NLRP13: variants seen among roughly 807,000 people sequenced by gnomAD.
NLRP13 encodes NACHT, LRR and PYD domains-containing protein 13.
In NLRP13, 82 loss-of-function variants were observed where a neutral mutation model predicts 94.4. The observed-to-expected ratio is 0.87, with a 90% confidence interval of 0.73 to 1.04. The LOEUF is 1.04. Among genes scored for constraint, NLRP13 ranks in the 50% least tolerant of loss-of-function variants. The pLI is 0.00. For synonymous variants in NLRP13, 553 were observed against 464.7 expected (o/e 1.19, Z -2.45); for missense variants, 1,426 against 1,230.8 (o/e 1.16, Z -2.37).
chr19:55,907,745 G>A lies in NLRP13; in HGVS notation c.2447+47C>T, dbSNP rs369934099. ...TCCCAGTGGATCGTGGAAGCTACTG[G>A]TGGTCTTGCAACCCCCCTTGACAGA... On this transcript the variant is annotated intron_variant, in intron 7 of 10. Coordinates refer to ENST00000342929, the MANE Select transcript of NLRP13 (RefSeq NM_176810.2). 83 of 1,592,098 alleles carry A rather than the reference G, an allele frequency of 5.2e-5. 1 individual carries two copies. In the African/African-American group the frequency reaches 9.3e-4, roughly 18 times the overall value.
chr19:55,924,220 T>C (rs548159179), intron 3 of NLRP13, among the ~76,000 whole-genome samples: 2 of 152,280 alleles, frequency 1.3e-5, no homozygotes, highest in South Asian at 4.1e-4. Flanking sequence ...CCTCCTGGGT[T>C]CAAGAGATTC....
At chr19:55,926,508 G>C (rs1986969315) in intron 1 of NLRP13, among the ~76,000 whole-genome samples, 1 of 152,148 alleles carries the variant, frequency 6.6e-6, no homozygotes, top group Non-Finnish European at 1.5e-5. Flanking sequence ...TTAAATGCCA[G>C]AGGAGCATGT....
intron 8 of NLRP13, among the ~76,000 whole-genome samples, chr19:55,902,697 GATTATT>G (rs1455390078): frequency 6.6e-6 from 1 of 151,978 alleles, no homozygotes; most frequent in Non-Finnish European, 1.5e-5. Context: ...GGTTATAGAA[GATTATT>G]ATATCACAAA....
chr19:55,902,765 A>G (rs1242282808), intron 8 of NLRP13, among the ~76,000 whole-genome samples: 1 of 151,962 alleles, frequency 6.6e-6, no homozygotes, highest in African/African-American at 2.4e-5. Context: ...GTGTTAACAT[A>G]TAAGTTTTAT....
chr19:55,899,996 T>C (rs1388821021), intron 9 of NLRP13, among the ~76,000 whole-genome samples: 27 of 150,684 alleles, frequency 1.8e-4, no homozygotes, highest in Non-Finnish European at 7.4e-5. Context: ...ATGGCAAACA[T>C]ACTTAATAGA....
intron 1 of NLRP13, among the ~76,000 whole-genome samples, chr19:55,927,447 C>CT (rs1318191404): frequency 8.3e-6 from 1 of 120,006 alleles, no homozygotes; most frequent in Non-Finnish European, 1.6e-5. Flanking sequence ...GAAATAAAGT[C>CT]TAATTCCTTA....
At chr19:55,929,430 G>A (rs549874972) in intron 1 of NLRP13, among the ~76,000 whole-genome samples, 1 of 152,310 alleles carries the variant, frequency 6.6e-6, no homozygotes, top group East Asian at 1.9e-4. Flanking sequence ...ATACACCATG[G>A]AATACTATGC....
At chr19:55,927,857 C>G (rs1987007343) in intron 1 of NLRP13, among the ~76,000 whole-genome samples, 1 of 152,178 alleles carries the variant, frequency 6.6e-6, no homozygotes, top group African/African-American at 2.4e-5. Flanking sequence ...GCCTTTGAAT[C>G]CAGACATCCT....
rs200626553 is a variant in NLRP13 at position 55,912,823 on chromosome 19, A to G, written c.994T>C (p.Cys332Arg). 5.0e-6 allele frequency: 8 copies of G among 1,614,050 alleles called. No homozygotes were observed. The highest frequency in any genetic ancestry group is 6.8e-6 in the Non-Finnish European group (8 of 1,180,040). The change falls in exon 5 of 11, where the codon TGT (cysteine) becomes CGT (arginine). Residue 332 changes from cysteine to arginine, a missense_variant. Physicochemically the swap from Cys to Arg is radical, Grantham distance 180 (BLOSUM62 -3). Transcript: ENST00000342929. ...RSESLDDGSP[C>R]TDWYQELPVT... is the part of the protein sequence containing the mutation. ...GGGAGCTCCTGGTACCAGTCTGTAC[A>G]TGGCGAGCCATCATCCAAGCTCTCA...
intron 4 of NLRP13, among the ~76,000 whole-genome samples, chr19:55,915,451 A>G (rs989021673): frequency 1.3e-5 from 2 of 152,054 alleles, no homozygotes; most frequent in African/African-American, 4.8e-5. Context: ...TACAAAGATT[A>G]GCCAGGCATG....
intron 5 of NLRP13, among the ~76,000 whole-genome samples, chr19:55,911,234 ATTTTG>A (rs932380617): frequency 4.6e-5 from 7 of 152,078 alleles, no homozygotes; most frequent in Non-Finnish European, 8.8e-5. Flanking sequence ...GTTATTTTTT[ATTTTG>A]TTTTGTTTTT....
At chr19:55,917,861 C>T (rs929776931) in intron 4 of NLRP13, among the ~76,000 whole-genome samples, 2 of 151,970 alleles carry the variant, frequency 1.3e-5, no homozygotes, top group African/African-American at 4.8e-5. Flanking sequence ...ATCATCAAGA[C>T]AGAAAATCAA....
rs563888996 is a variant in NLRP13, at chr19:55,900,428, G to A, written c.2790-1491C>T. Among the ~76,000 whole-genome samples the A allele has an allele frequency of 7.8e-4, 119 of 152,268 alleles. 1 individual carries two copies. The highest frequency in any genetic ancestry group is 2.6e-3 in the African/African-American group (107 of 41,540). On this transcript the variant is annotated intron_variant, in intron 9 of 10. Transcript: ENST00000342929. ...GGATGGGCCTCAAAATAATCTTAGA[G>A]GGAGAAATTAGTTCAACCATTGTGG... is the stretch of plus-strand genomic sequence containing the variant.
At chr19:55,913,729 G>C (rs924330241) in intron 4 of NLRP13, among the ~76,000 whole-genome samples, 1 of 151,924 alleles carries the variant, frequency 6.6e-6, no homozygotes, top group Non-Finnish European at 1.5e-5. Flanking sequence ...GAATGGAGAA[G>C]AATCATCAGA....
chr19:55,910,949 C>T (rs914142746), intron 5 of NLRP13, among the ~76,000 whole-genome samples: 2 of 152,146 alleles, frequency 1.3e-5, no homozygotes, highest in Admixed American at 6.5e-5. Flanking sequence ...CCCGTCTGTA[C>T]TAAAAATACA....
intron 4 of NLRP13, among the ~76,000 whole-genome samples, chr19:55,918,213 G>A (rs1396881598): frequency 1.0e-4 from 14 of 140,450 alleles, no homozygotes; most frequent in Non-Finnish European, 1.5e-4. Flanking sequence ...TGAAACTAAT[G>A]AAAATGGAGA....
intron 7 of NLRP13, among the ~76,000 whole-genome samples, chr19:55,907,121 G>C (rs1600264649): frequency 6.6e-6 from 1 of 152,058 alleles, no homozygotes; most frequent in Admixed American, 6.5e-5. Flanking sequence ...ACCACACCCG[G>C]CTAATTTTTG....
intron 8 of NLRP13, among the ~76,000 whole-genome samples, chr19:55,902,661 A>G (rs35296481): frequency 0.16 from 24,532 of 152,120 alleles, 2,111 homozygotes; most frequent in African/African-American, 0.19. Flanking sequence ...TGCTTGGGAC[A>G]GCACTTGGCA....
chr19:55,892,827 G>T (rs556345977), downstream of NLRP13, among the ~76,000 whole-genome samples: 1 of 152,292 alleles, frequency 6.6e-6, no homozygotes, highest in South Asian at 2.1e-4. Flanking sequence ...TAGGCTAATA[G>T]CCCTCAGCTG....
Sources: gnomAD v4.1 joint callset for allele counts (sites outside exome capture counted in the v4.1 genomes callset) on GRCh38, gnomAD v4.1.1 for gene constraint, MANE v1.5 for transcripts, NCBI Gene and HGNC (gene_info 2026-07-23, HGNC 2026-07-21) for gene names.